The following DYNC1I1 variants were observed in gnomAD, a reference collection of about 807,000 sequenced individuals.
DYNC1I1 encodes dynein cytoplasmic 1 intermediate chain 1, also known as cytoplasmic dynein 1 intermediate chain 1.
In DYNC1I1, 43 loss-of-function variants were observed where a neutral mutation model predicts 86.6. The observed-to-expected ratio is 0.50, with a 90% CI of 0.39 to 0.64. The LOEUF (loss-of-function observed/expected upper bound fraction) is 0.64. Ranked by LOEUF, DYNC1I1 falls within the 30% of genes least tolerant of loss-of-function variation. The pLI, the probability that DYNC1I1 is intolerant of heterozygous loss-of-function variation, is 0.00. For synonymous variants in DYNC1I1, 262 were observed against 283.7 expected, an observed-to-expected ratio of 0.92 and a Z score of 0.77; for missense variants, 604 against 788.8, an observed-to-expected ratio of 0.77 and a Z score of 2.81.
At chr7:96,058,820 T>TC (rs1789663971) in intron 14 of DYNC1I1, among the ~76,000 whole-genome samples, 1 of 149,558 alleles carries the variant, frequency 6.7e-6, no homozygotes, top group Non-Finnish European at 1.5e-5. Flanking sequence ...TTTTTTTTTT[T>TC]TTTGGTGGAG....
intron 8 of DYNC1I1, among the ~76,000 whole-genome samples, chr7:95,986,312 G>A (rs562778330): frequency 3.9e-5 from 6 of 152,102 alleles, no homozygotes; most frequent in African/African-American, 7.2e-5. Context: ...TGCAGATCCC[G>A]TAGTTCCTGG....
At chr7:95,787,298 A>G (rs1794173841) in intron 1 of DYNC1I1, among the ~76,000 whole-genome samples, 1 of 152,104 alleles carries the variant, frequency 6.6e-6, no homozygotes, top group South Asian at 2.1e-4. Flanking sequence ...CTGGGACAGG[A>G]CTAGTGTGAG....
At chr7:95,877,179 C>G (rs1359066406) in intron 6 of DYNC1I1, among the ~76,000 whole-genome samples, 1 of 152,150 alleles carries the variant, frequency 6.6e-6, no homozygotes, top group South Asian at 2.1e-4. Context: ...ATTTCTCATA[C>G]TGCCCCAGCT....
At chr7:95,936,956 T>TCTCTCA (rs750834189) in intron 6 of DYNC1I1, among the ~76,000 whole-genome samples, 2 of 134,190 alleles carry the variant, frequency 1.5e-5, no homozygotes, top group Admixed American at 7.6e-5. Flanking sequence ...AGAATATGTC[T>TCTCTCA]CACACACACA....
Position 95,991,079 on chromosome 7 carries a change from T to C in DYNC1I1, c.843+3924T>C, listed in dbSNP as rs182168287. Among the ~76,000 whole-genome samples, 4 of 152,124 alleles carry C rather than the reference T, an allele frequency of 2.6e-5. No individual in the cohort carries two copies. In the East Asian group the frequency reaches 7.7e-4, roughly 29 times the overall value. On this transcript the variant is annotated intron_variant, in intron 9 of 16. Transcript: ENST00000447467. ...TAAAATAAAAATAAAGGACTAATAATTTTAAAAGTGTCTGGTGCATAAGAA... is the reference window on the plus strand; with the variant it reads ...TAAAATAAAAATAAAGGACTAATAACTTTAAAAGTGTCTGGTGCATAAGAA...
chr7:95,775,842 A>T (rs183500529), intron 1 of DYNC1I1, among the ~76,000 whole-genome samples: 1 of 152,326 alleles, frequency 6.6e-6, no homozygotes, highest in Non-Finnish European at 1.5e-5. Flanking sequence ...CTGTGCTGGA[A>T]CTAGGAACTT....
At chr7:95,898,429 C>T (rs1204602561) in intron 6 of DYNC1I1, among the ~76,000 whole-genome samples, 1 of 152,142 alleles carries the variant, frequency 6.6e-6, no homozygotes, top group Non-Finnish European at 1.5e-5. Flanking sequence ...CCCATTTCTC[C>T]ATCCCTTCTG....
At chr7:95,911,692 G>T (rs868181732) in intron 6 of DYNC1I1, among the ~76,000 whole-genome samples, 3 of 152,156 alleles carry the variant, frequency 2.0e-5, no homozygotes, top group Admixed American at 6.5e-5. Flanking sequence ...AGGTTGCAGG[G>T]CCTCATCTTT....
chr7:95,789,673 G>C (rs1794241958), intron 1 of DYNC1I1, among the ~76,000 whole-genome samples: 1 of 152,074 alleles, frequency 6.6e-6, no homozygotes. Context: ...CTGTGGTAGT[G>C]AACACCTTTC....
At chr7:95,923,956 G>C (rs1260380246) in intron 6 of DYNC1I1, among the ~76,000 whole-genome samples, 2 of 152,102 alleles carry the variant, frequency 1.3e-5, no homozygotes, top group Non-Finnish European at 2.9e-5. Context: ...AATTTTGTAT[G>C]TTCTTCATAT....
intron 16 of DYNC1I1, among the ~76,000 whole-genome samples, chr7:96,109,288 G>T (rs930878733): frequency 6.6e-6 from 1 of 151,486 alleles, no homozygotes; most frequent in Non-Finnish European, 1.5e-5. Flanking sequence ...ATGTATACAT[G>T]TGCCATGTTG....
chr7:95,789,168 G>A (rs1794224952), intron 1 of DYNC1I1, among the ~76,000 whole-genome samples: 1 of 152,236 alleles, frequency 6.6e-6, no homozygotes, highest in Admixed American at 6.5e-5. Flanking sequence ...ATACCACTGA[G>A]TTATCCATTC....
At chr7:95,791,809 A>T (rs747934674) in intron 1 of DYNC1I1, among the ~76,000 whole-genome samples, 20 of 152,242 alleles carry the variant, frequency 1.3e-4, no homozygotes, top group Non-Finnish European at 2.2e-4. Context: ...GTGATTTAGT[A>T]AAAGATAGTT....
chr7:96,047,940 G>C (rs1789267212), intron 14 of DYNC1I1, among the ~76,000 whole-genome samples: 1 of 152,180 alleles, frequency 6.6e-6, no homozygotes, highest in Admixed American at 6.5e-5. Flanking sequence ...TCAGGTTTAG[G>C]ATAGGGAGAA....
intron 6 of DYNC1I1, among the ~76,000 whole-genome samples, chr7:95,923,178 A>ATGG (rs1791656529): frequency 6.6e-6 from 1 of 152,088 alleles, no homozygotes; most frequent in Non-Finnish European, 1.5e-5. Context: ...TCTTTGGGTA[A>ATGG]AGACTTCAGC....
chr7:96,110,054 C>A, exon 17 of DYNC1I1: 1 of 439,672 alleles, frequency 2.3e-6, no homozygotes, highest in Non-Finnish European at 4.5e-6. Context: ...TCCCAAAGTG[C>A]TGGGATTACA....
At chr7:95,843,388 A>C (rs1368774860) in intron 5 of DYNC1I1, among the ~76,000 whole-genome samples, 1 of 152,024 alleles carries the variant, frequency 6.6e-6, no homozygotes, top group Non-Finnish European at 1.5e-5. Flanking sequence ...GCTGGATTTC[A>C]CCTGAGTTTC....
chr7:96,062,619 T>A (rs1789815185), intron 14 of DYNC1I1, among the ~76,000 whole-genome samples: 1 of 152,156 alleles, frequency 6.6e-6, no homozygotes, highest in Non-Finnish European at 1.5e-5. Context: ...GTTTGATAGA[T>A]CCTATTGTTA....
intron 6 of DYNC1I1, among the ~76,000 whole-genome samples, chr7:95,969,268 A>G (rs1793103501): frequency 6.6e-6 from 1 of 152,154 alleles, no homozygotes; most frequent in African/African-American, 2.4e-5. Flanking sequence ...GAAGATAAGG[A>G]AGATGGTGGA....
Sources: allele counts gnomAD v4.1 joint callset (sites outside exome capture counted in the v4.1 genomes callset), GRCh38; gene constraint gnomAD v4.1.1; transcripts MANE v1.5; gene names NCBI Gene and HGNC (gene_info 2026-07-23, HGNC 2026-07-21).